The following HS3ST4 variants were observed in gnomAD, a reference collection of about 807,000 sequenced individuals.
HS3ST4 encodes the protein heparan sulfate-glucosamine 3-sulfotransferase 4.
HS3ST4 carries 17 observed loss-of-function variants against 29.2 expected under a neutral mutation model. That is an observed-to-expected ratio of 0.58 (90% CI 0.40 to 0.87). The LOEUF (loss-of-function observed/expected upper bound fraction) is 0.87, where lower values mean the gene tolerates loss of function less well. HS3ST4 is among the 40% of genes least tolerant of loss of function. The pLI, the probability that HS3ST4 is intolerant of heterozygous loss-of-function variation, is 0.00. For synonymous variants in HS3ST4, 314 were observed against 285.7 expected, an observed-to-expected ratio of 1.10 and a Z score of -1.00; for missense variants, 627 against 634.5, an observed-to-expected ratio of 0.99 and a Z score of 0.13.
intron 1 of HS3ST4, among the ~76,000 whole-genome samples, chr16:26,104,667 A>G (rs1288337024): frequency 1.3e-5 from 2 of 152,230 alleles, no homozygotes; most frequent in African/African-American, 4.8e-5. Flanking sequence ...CTAGATTTGT[A>G]AATCCAATTC....
At chr16:25,947,216 A>T (rs777767581) in intron 1 of HS3ST4, among the ~76,000 whole-genome samples, 2 of 152,134 alleles carry the variant, frequency 1.3e-5, no homozygotes, top group Non-Finnish European at 2.9e-5. Flanking sequence ...GTCAGGATGA[A>T]ATTGAAAAAC....
intron 1 of HS3ST4, among the ~76,000 whole-genome samples, chr16:25,861,532 G>A (rs890219732): frequency 1.3e-5 from 2 of 152,026 alleles, no homozygotes. Context: ...CTTTTTTGTT[G>A]TTGTTGTAAA....
chr16:25,878,353 A>G (rs9925379), intron 1 of HS3ST4, among the ~76,000 whole-genome samples: 85,688 of 151,870 alleles, frequency 0.56, 24,934 homozygotes, highest in Non-Finnish European at 0.63. Flanking sequence ...TTCTTTAACC[A>G]CCAGGGGTGT....
At chr16:25,712,923 C>T (rs1293524741) in intron 1 of HS3ST4, among the ~76,000 whole-genome samples, 2 of 152,188 alleles carry the variant, frequency 1.3e-5, no homozygotes, top group Admixed American at 1.3e-4. Flanking sequence ...CTCTCCTTGG[C>T]TTGCAGACGG....
chr16:26,005,962 C>T (rs1310062267), intron 1 of HS3ST4, among the ~76,000 whole-genome samples: 2 of 152,098 alleles, frequency 1.3e-5, no homozygotes, highest in Non-Finnish European at 2.9e-5. Context: ...CCAAATGTCT[C>T]TTTAGAGGAA....
chr16:25,698,951 C>T (rs1333347609), intron 1 of HS3ST4, among the ~76,000 whole-genome samples: 2 of 152,184 alleles, frequency 1.3e-5, no homozygotes, highest in Non-Finnish European at 1.5e-5. Context: ...TACTTTTTTC[C>T]CAATGTGCAA....
Position 25,911,389 on chromosome 16 carries a change from C to T in HS3ST4, c.734+218238C>T, listed in dbSNP as rs368094013. 4.6e-4 allele frequency among the ~76,000 whole-genome samples: 70 copies of T among 152,128 alleles called. 1 individual carries two copies. The highest frequency in any genetic ancestry group is 4.6e-3 in the Admixed American group (70 of 15,274). On this transcript the variant is annotated intron_variant, in intron 1 of 1. Transcript: ENST00000331351. Reference sequence around the variant, plus strand: ...GGCCACTCAGTTTTCAGCATAGAGGCCAAGCCAGCCTGTCAGGTAAACCCT... The same window carrying T: ...GGCCACTCAGTTTTCAGCATAGAGGTCAAGCCAGCCTGTCAGGTAAACCCT...
intron 1 of HS3ST4, among the ~76,000 whole-genome samples, chr16:26,065,386 A>C (rs1898530491): frequency 6.6e-6 from 1 of 152,212 alleles, no homozygotes. Flanking sequence ...AAAACCAAAT[A>C]CCATATGTTC....
chr16:25,989,317 C>T (rs959847853), intron 1 of HS3ST4, among the ~76,000 whole-genome samples: 5 of 152,142 alleles, frequency 3.3e-5, no homozygotes, highest in African/African-American at 9.7e-5. Flanking sequence ...AAGTGAGGCA[C>T]AATACAAGGT....
chr16:25,932,742 A>G (rs1968477367), intron 1 of HS3ST4, among the ~76,000 whole-genome samples: 1 of 152,148 alleles, frequency 6.6e-6, no homozygotes. Context: ...CTATCATCCT[A>G]TTTTACAGAG....
At chr16:25,998,434 G>A (rs1467450948) in intron 1 of HS3ST4, among the ~76,000 whole-genome samples, 1 of 152,240 alleles carries the variant, frequency 6.6e-6, no homozygotes, top group South Asian at 2.1e-4. Context: ...TCACACTTTG[G>A]AGTCATATTG....
intron 1 of HS3ST4, among the ~76,000 whole-genome samples, chr16:25,919,154 T>A (rs1009962386): frequency 1.3e-5 from 2 of 152,162 alleles, no homozygotes; most frequent in Non-Finnish European, 2.9e-5. Flanking sequence ...GCCTCTTAAG[T>A]AGCTGGGACA....
chr16:25,991,114 C>G (rs1369087938), intron 1 of HS3ST4, among the ~76,000 whole-genome samples: 1 of 149,388 alleles, frequency 6.7e-6, no homozygotes, highest in Non-Finnish European at 1.5e-5. Context: ...ACCGGCCTCA[C>G]CAGGACCTCA....
At chr16:25,697,307 A>G (rs1217778566) in intron 1 of HS3ST4, among the ~76,000 whole-genome samples, 1 of 152,190 alleles carries the variant, frequency 6.6e-6, no homozygotes, top group African/African-American at 2.4e-5. Flanking sequence ...ACAAAGAAAA[A>G]TAAAGTAATG....
At chr16:26,080,920 C>T (rs932582715) in intron 1 of HS3ST4, among the ~76,000 whole-genome samples, 9 of 152,150 alleles carry the variant, frequency 5.9e-5, no homozygotes, top group Admixed American at 2.6e-4. Context: ...CATCAAAGTG[C>T]GTCCACGGAC....
At chr16:25,828,242 C>CTTTCTTTCTCTTTCTT (rs1371928058) in intron 1 of HS3ST4, among the ~76,000 whole-genome samples, 1 of 75,016 alleles carries the variant, frequency 1.3e-5, no homozygotes, top group African/African-American at 5.8e-5. Context: ...TTCTTTCTTT[C>CTTTCTTTCTCTTTCTT]TCTTTCTTTC....
chr16:25,928,029 T>C (rs1210576915), intron 1 of HS3ST4, among the ~76,000 whole-genome samples: 9 of 95,134 alleles, frequency 9.5e-5, no homozygotes, highest in African/African-American at 4.2e-4. Context: ...AGATACCCCA[T>C]CTCGACAAAA....
chr16:25,750,035 T>G (rs1966709132), intron 1 of HS3ST4, among the ~76,000 whole-genome samples: 1 of 152,214 alleles, frequency 6.6e-6, no homozygotes, highest in Non-Finnish European at 1.5e-5. Flanking sequence ...TAGAGCACTA[T>G]ACAAAAAGGT....
intron 1 of HS3ST4, among the ~76,000 whole-genome samples, chr16:25,942,686 G>T (rs916038110): frequency 1.4e-5 from 2 of 147,946 alleles, no homozygotes; most frequent in Admixed American, 6.9e-5. Flanking sequence ...TGGTGTGATT[G>T]TGGCTCACTG....
Sources: allele counts gnomAD v4.1 joint callset (sites outside exome capture counted in the v4.1 genomes callset), GRCh38; gene constraint gnomAD v4.1.1; transcripts MANE v1.5; gene names NCBI Gene and HGNC (gene_info 2026-07-23, HGNC 2026-07-21).